NAV2: variants seen among roughly 807,000 people sequenced by gnomAD.
NAV2 encodes the protein neuron navigator 2, also known as helicase, APC down-regulated 1.
A neutral mutation model predicts 223.2 loss-of-function variants in NAV2; 54 were observed. That is an observed-to-expected ratio of 0.24 (90% CI 0.19 to 0.30). NAV2 has a LOEUF of 0.30. Ranked by LOEUF, NAV2 falls within the 10% of genes least tolerant of loss-of-function variation. NAV2 has a pLI of 1.00. For missense variants in NAV2, 2,806 were observed against 3,147.5 expected (o/e 0.89, Z 2.60); for synonymous variants, 1,279 against 1,239.3 (o/e 1.03, Z -0.67).
chr11:20,024,460 T>C (rs2054845122), intron 11 of NAV2, among the ~76,000 whole-genome samples: 1 of 152,154 alleles, frequency 6.6e-6, no homozygotes, highest in Non-Finnish European at 1.5e-5. Context: ...GTCTGCTTCT[T>C]AAGACGCTGA....
intron 1 of NAV2, among the ~76,000 whole-genome samples, chr11:19,705,602 G>C (rs2049638513): frequency 6.6e-6 from 1 of 151,802 alleles, no homozygotes; most frequent in African/African-American, 2.4e-5. Context: ...TTAATCTTAG[G>C]ATCTCACTCT....
chr11:19,345,609 C>T, the NAV2 span, among the ~76,000 whole-genome samples: 8 of 152,210 alleles, frequency 5.3e-5, no homozygotes, highest in Admixed American at 2.6e-4. This position sits in a 1 kb window ranked among gnomAD's most constrained non-coding sequence, Gnocchi z 5.2. Flanking sequence ...CATAGCCACC[C>T]GTGCGCGATG....
chr11:19,505,966 A>G (rs1215223925), intron 1 of NAV2: 1 of 152,216 alleles, frequency 6.6e-6, no homozygotes, highest in Non-Finnish European at 1.5e-5. Flanking sequence ...AGCCATGGAG[A>G]CACCCAGAAG....
intron 1 of NAV2, among the ~76,000 whole-genome samples, chr11:19,819,053 C>G (rs1464224697): frequency 6.6e-6 from 1 of 152,170 alleles, no homozygotes; most frequent in Non-Finnish European, 1.5e-5. Context: ...TTACTTTCTT[C>G]CCTTCATCCA....
intron 1 of NAV2, among the ~76,000 whole-genome samples, chr11:19,379,870 G>A (rs115629750): frequency 0.011 from 1,710 of 152,040 alleles, 39 homozygotes; most frequent in African/African-American, 0.033. Context: ...TTCTACTCCC[G>A]CCAGCACCAA....
At chr11:20,029,663 T>C (rs1187579015) in intron 11 of NAV2, among the ~76,000 whole-genome samples, 1 of 152,242 alleles carries the variant, frequency 6.6e-6, no homozygotes, top group Non-Finnish European at 1.5e-5. Context: ...ACAGGGGCAG[T>C]GGCTCAATGG....
intron 1 of NAV2, among the ~76,000 whole-genome samples, chr11:19,370,124 G>C (rs1240768373): frequency 6.6e-6 from 1 of 152,108 alleles, no homozygotes; most frequent in Non-Finnish European, 1.5e-5. Flanking sequence ...TCCCTGATAC[G>C]CTCTTTCATT....
chr11:19,895,104 C>CT (rs71050690), intron 6 of NAV2, among the ~76,000 whole-genome samples: 29,743 of 98,606 alleles, frequency 0.3, 4,820 homozygotes, highest in Non-Finnish European at 0.37. Context: ...CTTTTTCTTT[C>CT]TTTTTTTTTT....
chr11:19,571,824 T>C lies in NAV2; in HGVS notation c.75+220797T>C, dbSNP rs574012095. 1.4e-4 allele frequency among the ~76,000 whole-genome samples: 22 copies of C among 152,342 alleles called. No individual in the cohort carries two copies. In the East Asian group the frequency reaches 2.5e-3, roughly 17 times the overall value. On this transcript the variant is annotated intron_variant, in intron 1 of 37. Transcript: ENST00000360655. Reference sequence around the variant, plus strand: ...TAAATGGTGCCTTTACTATTACTTATTATGACTATATCCCCTTCCCACTGG... The same window carrying C: ...TAAATGGTGCCTTTACTATTACTTACTATGACTATATCCCCTTCCCACTGG...
chr11:19,641,565 C>T (rs909069751), intron 1 of NAV2, among the ~76,000 whole-genome samples: 2 of 151,396 alleles, frequency 1.3e-5, no homozygotes, highest in Admixed American at 6.6e-5. Context: ...TCTGACTGTA[C>T]AATCTCCTCT....
intron 6 of NAV2, among the ~76,000 whole-genome samples, chr11:19,919,091 G>C (rs556889002): frequency 6.6e-6 from 1 of 152,242 alleles, no homozygotes; most frequent in South Asian, 2.1e-4. Flanking sequence ...ATGCAACGTT[G>C]TGGTTATTTT....
At chr11:20,047,012 A>G (rs1293495017) in intron 14 of NAV2, among the ~76,000 whole-genome samples, 2 of 152,264 alleles carry the variant, frequency 1.3e-5, no homozygotes, top group East Asian at 3.8e-4. Context: ...TGAAAGGTAT[A>G]ATGAAGCAGT....
At position 19,879,898 on chromosome 11, in the gene NAV2, C is replaced by G; in HGVS notation, c.541C>G (p.Leu181Val). Reference protein sequence around the residue: ...EIRNGNLKAILGLFFSLSRYK... With the variant: ...EIRNGNLKAIVGLFFSLSRYK... ...CAGGAATGGAAACCTCAAGGCCATT[C>G]TAGGCCTCTTCTTCAGCCTCTCCCG... The change falls in exon 5 of 38, where the codon CTA (leucine) becomes GTA (valine). Residue 181 changes from leucine to valine, a missense_variant. Leu to Val is a conservative substitution (Grantham distance 32, BLOSUM62 1). Around this residue, in one of 4 missense-constraint regions of NAV2, gnomAD observed 1,167 missense variants for 1,180.5 expected, o/e 0.99. Transcript: ENST00000349880. 6 of 1,613,914 alleles carry G rather than the reference C, an allele frequency of 3.7e-6. No homozygotes were observed. The highest frequency in any genetic ancestry group is 5.1e-6 in the Non-Finnish European group (6 of 1,180,022).
chr11:19,551,862 TCTGCTC>T (rs2044699531), intron 1 of NAV2, among the ~76,000 whole-genome samples: 1 of 152,096 alleles, frequency 6.6e-6, no homozygotes, highest in Non-Finnish European at 1.5e-5. Context: ...TCCTCTTTAC[TCTGCTC>T]CTTCCCCTCC....
intron 19 of NAV2, among the ~76,000 whole-genome samples, chr11:20,061,503 A>G (rs566532554): frequency 1.3e-5 from 2 of 149,172 alleles, no homozygotes; most frequent in East Asian, 4.1e-4. Context: ...TGGGAGGCAG[A>G]GGTTGTGGTG....
intron 1 of NAV2, among the ~76,000 whole-genome samples, chr11:19,417,102 T>C (rs556021202): frequency 6.6e-6 from 1 of 152,192 alleles, no homozygotes; most frequent in Non-Finnish European, 1.5e-5. Flanking sequence ...CAATGGGATC[T>C]AATTAAACTA....
chr11:19,554,765 G>A (rs1324953573), intron 1 of NAV2, among the ~76,000 whole-genome samples: 3 of 151,970 alleles, frequency 2.0e-5, no homozygotes, highest in African/African-American at 4.8e-5. Flanking sequence ...TCGGGAGTTC[G>A]AGACCAGCCT....
intron 1 of NAV2, among the ~76,000 whole-genome samples, chr11:19,456,048 A>G (rs1419601306): frequency 6.6e-6 from 1 of 152,208 alleles, no homozygotes; most frequent in African/African-American, 2.4e-5. Flanking sequence ...TTCTTCTGCT[A>G]TTCAGGGTTT....
At position 19,759,811 on chromosome 11, in the gene NAV2, C is replaced by T. The variant is rs527897504; in HGVS notation, c.267+45849C>T. 1.4e-4 allele frequency among the ~76,000 whole-genome samples: 22 copies of T among 152,186 alleles called. No homozygotes were observed. In the East Asian group the frequency reaches 4.1e-3, roughly 28 times the overall value. ...AAGTGCTCATCACATCCTGAAGGAT[C>T]ATTATTCAATGAATGATTGCTGCTG... On this transcript the variant is annotated intron_variant, in intron 1 of 37. Coordinates refer to ENST00000349880, the MANE Select transcript of NAV2 (RefSeq NM_145117.5).
Sources: gnomAD v4.1 joint callset for allele counts (sites outside exome capture counted in the v4.1 genomes callset) on GRCh38, gnomAD v4.1.1 for gene constraint, gnomAD v4.1.1 regional missense constraint, Gnocchi (gnomAD v3.1) non-coding constraint, MANE v1.5 for transcripts, NCBI Gene and HGNC (gene_info 2026-07-23, HGNC 2026-07-21) for gene names.